AP5Z1: variants seen among roughly 807,000 people sequenced by gnomAD.
The protein encoded by AP5Z1 is AP-5 complex subunit zeta-1.
In AP5Z1, 106 loss-of-function variants were observed where a neutral mutation model predicts 83.0. The ratio of observed to expected loss-of-function variants is 1.28; its 90% CI spans 1.09 to 1.50. The LOEUF is 1.50. Among genes scored for constraint, AP5Z1 ranks in the 40% most tolerant of loss-of-function variants. AP5Z1 has a pLI of 0.00. For synonymous variants in AP5Z1, 751 were observed against 514.1 expected (o/e 1.46, Z -6.23); for missense variants, 1,565 against 1,094.2 (o/e 1.43, Z -6.07).
Position 4,788,908 on chromosome 7 carries a change from C to T in AP5Z1, c.1664C>T (p.Ala555Val), listed in dbSNP as rs773576164. ...GCARVAQCAQ[A>V]VPTLLQAFFS... ...GCCCGCGTGGCCCAGTGTGCCCAGG[C>T]CGTGCCCACGCTGCTGCAGGCATTC... Residue 555 changes from alanine (A) to valine (V), a missense_variant, in exon 13 of 17, where the codon GCC (alanine) becomes GTC (valine). By Grantham distance (64) the Ala-to-Val change is moderately conservative. Coordinates refer to ENST00000649063, the MANE Select transcript of AP5Z1 (RefSeq NM_014855.3). The T allele has an allele frequency of 1.2e-6, 2 of 1,611,332 alleles. No homozygotes were observed. Among genetic ancestry groups the T allele is most frequent in the Non-Finnish European group, 8.5e-7 (1 of 1,179,464 alleles).
intron 14 of AP5Z1, 60 bp downstream of exon 14, chr7:4,789,989 C>G (rs1470666308): frequency 1.4e-5 from 17 of 1,230,024 alleles, no homozygotes; most frequent in Non-Finnish European, 1.8e-5. Context: ...ACTCCTCCCC[C>G]TCTCCCCTCC....
intron 3 of AP5Z1, 104 bp from the exon 4 acceptor site, chr7:4,783,212 T>C: frequency 6.9e-7 from 1 of 1,447,686 alleles, no homozygotes; most frequent in Non-Finnish European, 9.2e-7. Flanking sequence ...GGCCGGGGTC[T>C]CAGCGACCGA....
chr7:4,788,018 A>G, intron 11 of AP5Z1, 136 bp from the exon 12 acceptor site: 1 of 1,353,660 alleles, frequency 7.4e-7, no homozygotes, highest in Non-Finnish European at 9.8e-7. Context: ...CCAGGCCTGG[A>G]GCCTCCCATG....
intron 6 of AP5Z1, 34 bp from the exon 7 acceptor site, chr7:4,784,874 A>G: frequency 6.3e-7 from 1 of 1,594,152 alleles, no homozygotes. Flanking sequence ...CGGGAGCCAC[A>G]CGTCAGCCTG....
intron 13 of AP5Z1, among the ~76,000 whole-genome samples, 198 bp from the exon 14 acceptor site, chr7:4,789,634 T>G (rs1781682872): frequency 6.6e-6 from 1 of 152,184 alleles, no homozygotes; most frequent in African/African-American, 2.4e-5. Flanking sequence ...CCGGGGGCAC[T>G]TGGGCCAGCC....
At chr7:4,785,328 C>T (rs1562408002) in intron 7 of AP5Z1, 87 bp from the exon 8 acceptor site, 5 of 1,529,788 alleles carry the variant, frequency 3.3e-6, no homozygotes, top group South Asian at 1.3e-5. Context: ...CCCGGTCCTG[C>T]CTGGAGCTTC....
chr7:4,783,628 C>T (rs971643590), intron 4 of AP5Z1, 61 bp from the exon 5 acceptor site: 5 of 1,515,984 alleles, frequency 3.3e-6, no homozygotes, highest in Non-Finnish European at 4.5e-6. Context: ...GCCAGCATCC[C>T]AACAACCCAG....
At chr7:4,788,075 G>A in intron 11 of AP5Z1, 79 bp from the exon 12 acceptor site, 6 of 1,449,884 alleles carry the variant, frequency 4.1e-6, no homozygotes, top group Non-Finnish European at 4.6e-6. Context: ...AGGGACACCT[G>A]CCGTGTGTCT....
At chr7:4,783,571 C>T in intron 4 of AP5Z1, 111 bp downstream of exon 4, 1 of 1,538,428 alleles carries the variant, frequency 6.5e-7, no homozygotes, top group Non-Finnish European at 8.8e-7. Context: ...CACGGGGAGG[C>T]CCGAGGGTTT....
At chr7:4,790,626 G>T (rs774034279) in intron 15 of AP5Z1, 35 bp downstream of exon 15, 1 of 1,612,278 alleles carries the variant, frequency 6.2e-7, no homozygotes, top group Admixed American at 1.7e-5. Context: ...AGCCGCTCCT[G>T]ACCCAGGAGG....
intron 10 of AP5Z1, 61 bp downstream of exon 10, chr7:4,786,489 CCT>C (rs1405400303): frequency 3.1e-6 from 5 of 1,588,248 alleles, no homozygotes; most frequent in African/African-American, 1.3e-5. Flanking sequence ...GGGCTCCTCC[CCT>C]CTTTCCAGCG....
chr7:4,790,073 C>G, intron 14 of AP5Z1, 144 bp downstream of exon 14: 1 of 1,209,198 alleles, frequency 8.3e-7, no homozygotes, highest in Non-Finnish European at 1.1e-6. Context: ...CACCCCCACC[C>G]ACAGCCCCAC....
Position 4,790,905 on chromosome 7 carries a change from G to A in AP5Z1, c.2153+18G>A. On this transcript the variant is annotated intron_variant, in intron 16 of 16. Transcript: ENST00000649063. The stretch of plus-strand genomic sequence containing the variant: ...ATCCCCAGGTGCCTGGTCAGGGAGG[G>A]AGCGAAGCCTTCTGGCTCCTGGGGA... 1 of 1,577,138 alleles carries A rather than the reference G, an allele frequency of 6.3e-7. No homozygotes were observed. The highest frequency in any genetic ancestry group is 1.2e-5 in the South Asian group (1 of 86,330).
chr7:4,784,580 G>C (rs1157267252), intron 6 of AP5Z1, among the ~76,000 whole-genome samples: 2 of 152,132 alleles, frequency 1.3e-5, no homozygotes, highest in Non-Finnish European at 2.9e-5. Flanking sequence ...CAGCACCGGG[G>C]ATCCTCTGGA....
Position 4,791,557 on chromosome 7 carries a change from C to G in AP5Z1, c.*172C>G. The G allele has an allele frequency of 2.0e-6, 2 of 993,708 alleles. No individual in the cohort carries two copies. Among genetic ancestry groups the G allele is most frequent in the Non-Finnish European group, 2.9e-6 (2 of 692,152 alleles). 61.6% of individuals were successfully genotyped at this position (993,708 alleles called of 1,614,324 possible). A position where few individuals can be genotyped will look rare whatever the true frequency, so the allele number is the denominator to read the frequency against. On this transcript the variant is annotated 3_prime_UTR_variant, in exon 17 of 17. Coordinates refer to ENST00000649063, the MANE Select transcript of AP5Z1 (RefSeq NM_014855.3). ...CGCGGGGCTGGCCCCCCTGCTCACC[C>G]TCTGGGCTTTGTCTCCGAGCCTTTT... is the stretch of plus-strand genomic sequence containing the variant.
In AP5Z1 at chr7:4,791,340, G is replaced by T. The variant is rs77393809; in HGVS notation, c.2379G>T (p.Thr793=). 0.021 allele frequency: 33,560 copies of T among 1,609,480 alleles called. 449 individuals are homozygous for T. The highest frequency in any genetic ancestry group is 0.049 in the Middle Eastern group (297 of 6,032). ...ANTALPLALR[T]VSRLVEREAG... The stretch of plus-strand genomic sequence containing the variant: ...CGGCCCTGCCCCTGGCCCTGCGCAC[G>T]GTCAGCCGGCTGGTGGAGAGGGAGG... The change falls in exon 17 of 17, where the codon ACG becomes ACT. Residue 793 remains threonine, a synonymous_variant. Coordinates refer to ENST00000649063, the MANE Select transcript of AP5Z1 (RefSeq NM_014855.3).
At position 4,789,260 on chromosome 7, in the gene AP5Z1, G is replaced by A. The variant is rs544632596; in HGVS notation, c.1707+309G>A. On this transcript the variant is annotated intron_variant, in intron 13 of 16. Transcript: ENST00000649063. ...CCGGCAGGTCCTGTCTCCCATCCCAGCAGGCTCCATCCAACTGCCCCAGCA... is the reference window on the plus strand; with the variant it reads ...CCGGCAGGTCCTGTCTCCCATCCCAACAGGCTCCATCCAACTGCCCCAGCA... 8.6e-5 allele frequency among the ~76,000 whole-genome samples: 13 copies of A among 150,906 alleles called. No individual in the cohort carries two copies. The East Asian group carries it at 2.0e-3, about 23-fold the overall frequency.
At chr7:4,781,861 G>T in intron 3 of AP5Z1, 107 bp downstream of exon 3, 21 of 1,310,698 alleles carry the variant, frequency 1.6e-5, no homozygotes, top group Non-Finnish European at 2.0e-5. Flanking sequence ...GCTTGTTGTA[G>T]ACGCATCTCG....
chr7:4,789,987 CCCT>C, intron 14 of AP5Z1, 58 bp downstream of exon 14: 1 of 1,092,614 alleles, frequency 9.2e-7, no homozygotes, highest in Non-Finnish European at 1.2e-6. Flanking sequence ...GGACTCCTCC[CCCT>C]CTCCCCTCCC....
Sources: allele counts gnomAD v4.1 joint callset (sites outside exome capture counted in the v4.1 genomes callset), GRCh38; gene constraint gnomAD v4.1.1; transcripts MANE v1.5; gene names NCBI Gene and HGNC (gene_info 2026-07-23, HGNC 2026-07-21).